The following SLC2A3 variants were observed in gnomAD, a reference collection of about 807,000 sequenced individuals.
The protein encoded by SLC2A3 is solute carrier family 2 member 3, also known as solute carrier family 2, facilitated glucose transporter member 3.
A neutral mutation model predicts 46.4 loss-of-function variants in SLC2A3; 21 were observed. The ratio of observed to expected loss-of-function variants is 0.45; its 90% CI spans 0.32 to 0.65. The LOEUF (loss-of-function observed/expected upper bound fraction) is 0.65. SLC2A3 is among the 30% of genes least tolerant of loss of function. The pLI, the probability that SLC2A3 is intolerant of heterozygous loss-of-function variation, is 0.04. For synonymous variants in SLC2A3, 213 were observed against 239.4 expected, an observed-to-expected ratio of 0.89 and a Z score of 1.02; for missense variants, 499 against 623.3, an observed-to-expected ratio of 0.80 and a Z score of 2.12.
chr12:7,922,788 A>G, intron 9 of SLC2A3, 33 bp downstream of exon 9: 1 of 1,613,408 alleles, frequency 6.2e-7, no homozygotes, highest in Non-Finnish European at 8.5e-7. Context: ...CAGCTTACAT[A>G]GGCTGGTTTT....
In SLC2A3 at chr12:7,923,017, T is replaced by G. The variant is rs1302514944; in HGVS notation, c.1076A>C (p.Tyr359Ser). ...MTVSLLLKDN[Y>S]NGMSFVCIGA... is the part of the protein sequence containing the mutation. ...AATACAGACAAAGCTCATCCCATTA[T>G]AGTTATCCTGTAAGAGCAAGGAACA... The change falls in exon 9 of 10, where the codon TAT becomes TCT. Residue 359 changes from tyrosine to serine, a missense_variant. Tyr to Ser is a moderately radical substitution (Grantham distance 144). This residue lies in a region of SLC2A3 where 179 missense variants were observed against 205.1 expected (regional missense o/e 0.87). Coordinates refer to ENST00000075120, the MANE Select transcript of SLC2A3 (RefSeq NM_006931.3). 2 of 1,612,976 alleles carry G rather than the reference T, an allele frequency of 1.2e-6. No homozygotes were observed. Among genetic ancestry groups the G allele is most frequent in the African/African-American group, 2.7e-5 (2 of 74,858 alleles).
At chr12:7,930,229 G>A (rs1183303002) in intron 5 of SLC2A3, 11 of 502,598 alleles carry the variant, frequency 2.2e-5, no homozygotes, top group East Asian at 3.9e-5. Flanking sequence ...CAGGTGACCC[G>A]CCTCGGCCTC....
chr12:7,932,635 T>G, intron 3 of SLC2A3: 1 of 201,062 alleles, frequency 5.0e-6, no homozygotes, highest in Non-Finnish European at 1.0e-5. Context: ...CTGGGTAAAA[T>G]AATAAAAACA....
rs1565604065 is a variant in SLC2A3, at chr12:7,929,750, G to A, written c.795C>T (p.Ser265=). The change falls in exon 6 of 10, where the codon AGC becomes AGT. Residue 265 remains serine, a synonymous_variant. Transcript: ENST00000075120. ...VTVLELFRVS[S]YRQPIIISIV... is the part of the protein sequence containing the mutation. ...TGGAAATGATGATGGGCTGTCGGTA[G>A]CTGGACACTCTAAAGAGCTCTAGCA... 6.2e-7 allele frequency: 1 copy of A among 1,613,562 alleles called. No individual in the cohort carries two copies. The highest frequency in any genetic ancestry group is 1.7e-5 in the Admixed American group (1 of 59,908).
In SLC2A3 at chr12:7,931,294, A is replaced by C; in HGVS notation, c.461T>G (p.Phe154Cys). 1 of 1,614,176 alleles carries C rather than the reference A, an allele frequency of 6.2e-7. No individual in the cohort carries two copies. Among genetic ancestry groups the C allele is most frequent in the Non-Finnish European group, 8.5e-7 (1 of 1,180,030 alleles). The change falls in exon 4 of 10, where the codon TTT becomes TGT. Residue 154 changes from phenylalanine to cysteine, a missense_variant. Physicochemically the swap from Phe to Cys is radical, Grantham distance 205 (BLOSUM62 -2). Transcript: ENST00000075120. ...EISPTALRGA[F>C]GTLNQLGIVV... ...GATGCCCAGCTGGTTGAGAGTGCCA[A>C]AGGCACCCCGCAGGGCAGTAGGCGA...
At chr12:7,935,683 G>A (rs1343726517) in intron 1 of SLC2A3, among the ~76,000 whole-genome samples, 1 of 151,970 alleles carries the variant, frequency 6.6e-6, no homozygotes, top group African/African-American at 2.4e-5. Context: ...TCTTCACACT[G>A]GCTCTGAGAC....
At chr12:7,928,837 T>G (rs1946122216) in intron 6 of SLC2A3, among the ~76,000 whole-genome samples, 1 of 152,032 alleles carries the variant, frequency 6.6e-6, no homozygotes, top group African/African-American at 2.4e-5. Context: ...CCAAGTTTTT[T>G]TTTTAAAGAC....
intron 8 of SLC2A3, 69 bp from the exon 9 acceptor site, chr12:7,923,093 G>T: frequency 7.2e-7 from 1 of 1,389,932 alleles, no homozygotes; most frequent in Non-Finnish European, 9.8e-7. Context: ...GTTCCCAGAA[G>T]CAATTAACGG....
rs767420935 is a variant in SLC2A3 at position 7,928,388 on chromosome 12, ACT to A, written c.861+1294_861+1295del. 8.0e-5 allele frequency among the ~76,000 whole-genome samples: 12 copies of A among 150,538 alleles called. 1 individual carries two copies. The highest frequency in any genetic ancestry group is 1.2e-4 in the Non-Finnish European group (8 of 67,808). On this transcript the variant is annotated intron_variant, in intron 6 of 9. Transcript: ENST00000075120. ...ACTCCAGCCTGGGCGATCGAGTGAGACTCTGTTTCAAAAAAAAAAAGAATGTA... is the reference window on the plus strand; with the variant it reads ...ACTCCAGCCTGGGCGATCGAGTGAGACTGTTTCAAAAAAAAAAAGAATGTA...
In SLC2A3 at chr12:7,920,455, A is replaced by G. The variant is rs1448479226; in HGVS notation, c.*958T>C. ...CTCCATCCAAAATTAGAACCCATCA[A>G]CCATCATTAACTACAATGCCCATAT... On this transcript the variant is annotated 3_prime_UTR_variant, in exon 10 of 10. Transcript: ENST00000075120. 3 of 152,158 alleles carry G rather than the reference A, an allele frequency of 2.0e-5. No homozygotes were observed. The highest frequency in any genetic ancestry group is 4.4e-5 in the Non-Finnish European group (3 of 68,020). The allele number at this position is 152,158 out of a possible 1,614,324, so 9.4% of individuals were successfully genotyped here. A position where few individuals can be genotyped will look rare whatever the true frequency, so the allele number is the denominator to read the frequency against.
chr12:7,921,015 G>A lies in SLC2A3; in HGVS notation c.*398C>T, dbSNP rs1216192553. 3.5e-5 allele frequency: 9 copies of A among 255,834 alleles called. No homozygotes were observed. The South Asian group carries it at 3.6e-4, about 10-fold the overall frequency. 15.8% of individuals were successfully genotyped at this position (255,834 alleles called of 1,614,324 possible). ...GGTGCTCTTACATAAACACCCTCCGGCTTCCACACTCATATGTATCTGCTT... is the reference window on the plus strand; with the variant it reads ...GGTGCTCTTACATAAACACCCTCCGACTTCCACACTCATATGTATCTGCTT... On this transcript the variant is annotated 3_prime_UTR_variant, in exon 10 of 10. Transcript: ENST00000075120.
chr12:7,930,069 T>G, intron 5 of SLC2A3, 198 bp from the exon 6 acceptor site: 1 of 1,167,050 alleles, frequency 8.6e-7, no homozygotes. Flanking sequence ...CCCTGCAACC[T>G]CCACTTCCCG....
intron 7 of SLC2A3, chr12:7,925,553 G>C: frequency 7.4e-6 from 2 of 270,748 alleles, no homozygotes; most frequent in Non-Finnish European, 7.2e-6. Context: ...TGTTGTTTTA[G>C]TGTAAAAACA....
chr12:7,933,496 G>C (rs1186057006), intron 2 of SLC2A3: 6 of 462,968 alleles, frequency 1.3e-5, no homozygotes, highest in Non-Finnish European at 2.3e-5. Context: ...CCGGGAGTAA[G>C]TGAGCTTTGT....
intron 3 of SLC2A3, among the ~76,000 whole-genome samples, chr12:7,932,177 CTT>C (rs1306277283): frequency 2.2e-4 from 31 of 141,092 alleles, no homozygotes; most frequent in Non-Finnish European, 4.3e-4. Flanking sequence ...ACGGCACCGG[CTT>C]TTTTTTTTTT....
chr12:7,931,610 GT>G (rs1946157047), intron 3 of SLC2A3, 125 bp from the exon 4 acceptor site: 3 of 1,395,332 alleles, frequency 2.2e-6, no homozygotes, highest in East Asian at 4.7e-5. Context: ...TCTAACTTTT[GT>G]TTTTCACTTT....
chr12:7,933,443 A>G (rs1946179551), intron 2 of SLC2A3: 2 of 490,928 alleles, frequency 4.1e-6, no homozygotes, highest in Non-Finnish European at 7.3e-6. Flanking sequence ...GTGCATCACT[A>G]TGAGGTGAAA....
chr12:7,928,349 G>T (rs1312390848), intron 6 of SLC2A3, among the ~76,000 whole-genome samples: 1 of 151,910 alleles, frequency 6.6e-6, no homozygotes, highest in Non-Finnish European at 1.5e-5. Context: ...AGTGAGCCGA[G>T]ATCGTGCCAC....
At chr12:7,931,968 G>A (rs1051695782) in intron 3 of SLC2A3, among the ~76,000 whole-genome samples, 14 of 148,448 alleles carry the variant, frequency 9.4e-5, no homozygotes, top group Non-Finnish European at 3.0e-5. Context: ...TGCAACCTGC[G>A]CCTCCCAGGC....
Sources: gnomAD v4.1 joint callset for allele counts (sites outside exome capture counted in the v4.1 genomes callset) on GRCh38, gnomAD v4.1.1 for gene constraint, gnomAD v4.1.1 regional missense constraint, MANE v1.5 for transcripts, NCBI Gene and HGNC (gene_info 2026-07-23, HGNC 2026-07-21) for gene names.